LLGL2: variants seen among roughly 807,000 people sequenced by gnomAD.
The protein encoded by LLGL2 is LLGL scribble cell polarity complex component 2.
In LLGL2, 81 loss-of-function variants were observed where a neutral mutation model predicts 123.2. The observed-to-expected ratio is 0.66, with a 90% CI of 0.55 to 0.79. The LOEUF (loss-of-function observed/expected upper bound fraction) is 0.79. Ranked by LOEUF, LLGL2 falls within the 30% of genes least tolerant of loss-of-function variation. LLGL2 has a pLI of 0.00. For synonymous variants in LLGL2, 577 were observed against 594.1 expected (o/e 0.97, Z 0.42); for missense variants, 1,273 against 1,414.6 (o/e 0.90, Z 1.61).
intron 1 of LLGL2, among the ~76,000 whole-genome samples, chr17:75,528,587 A>G (rs931148123): frequency 1.3e-5 from 2 of 152,156 alleles, no homozygotes; most frequent in African/African-American, 4.8e-5. Flanking sequence ...AAACATATAA[A>G]ATCAGCTGGC....
intron 1 of LLGL2, among the ~76,000 whole-genome samples, chr17:75,530,080 A>G (rs1431912374): frequency 6.6e-6 from 1 of 152,178 alleles, no homozygotes; most frequent in Non-Finnish European, 1.5e-5. Context: ...CTCAACTTCC[A>G]TGAAGCATAA....
Position 75,571,942 on chromosome 17 carries a change from C to T in LLGL2, c.2338C>T (p.Leu780=), listed in dbSNP as rs1455458520. ...GCACCGGGCGCCGGTGGTGGGCATC[C>T]TGGTGCTCGACGGACACAGCGTACC... ...LMHRAPVVGI[L]VLDGHSVPLP... is the part of the protein sequence containing the mutation. The change falls in exon 19 of 26, where the codon CTG becomes TTG. Residue 780 remains leucine, a synonymous_variant. Transcript: ENST00000392550. 6.2e-6 allele frequency: 10 copies of T among 1,612,726 alleles called. No homozygotes were observed. The highest frequency in any genetic ancestry group is 7.6e-6 in the Non-Finnish European group (9 of 1,180,006).
In LLGL2 at chr17:75,549,857, CG is replaced by C. The variant is rs1448856856; in HGVS notation, c.76-6186del. Among the ~76,000 whole-genome samples the C allele has an allele frequency of 6.6e-5, 10 of 152,358 alleles. No homozygotes were observed. The highest frequency in any genetic ancestry group is 2.4e-4 in the African/African-American group (10 of 41,582). On this transcript the variant is annotated intron_variant, in intron 2 of 25. Transcript: ENST00000392550. This position sits in a 1 kb window ranked among gnomAD's most constrained non-coding sequence, Gnocchi z 4.0. ...AGCCTTTGCCCACTCGCTCCCCTTCCGGGACCTGGAAAGGAGTCCCAGAGCC... is the reference window on the plus strand; with the variant it reads ...AGCCTTTGCCCACTCGCTCCCCTTCCGGACCTGGAAAGGAGTCCCAGAGCC...
intron 2 of LLGL2, among the ~76,000 whole-genome samples, chr17:75,553,698 C>T (rs1308281682): frequency 6.6e-6 from 1 of 152,094 alleles, no homozygotes; most frequent in African/African-American, 2.4e-5. Flanking sequence ...GGTCACTATC[C>T]CCCGGGGTGG....
chr17:75,528,265 G>C (rs1349720467), intron 1 of LLGL2, among the ~76,000 whole-genome samples: 1 of 151,992 alleles, frequency 6.6e-6, no homozygotes, highest in Non-Finnish European at 1.5e-5. Flanking sequence ...ACAGGCGCCT[G>C]CCATCACGCC....
Position 75,558,265 on chromosome 17 carries a change from C to T in LLGL2, c.255+29C>T. 6.3e-7 allele frequency: 1 copy of T among 1,586,668 alleles called. No individual in the cohort carries two copies. The highest frequency in any genetic ancestry group is 8.6e-7 in the Non-Finnish European group (1 of 1,159,004). ...AGGGACCTGGGGTGGGACAGGAAGC[C>T]ACTTCCATGCCCTCCTTGCCTTCAC... On this transcript the variant is annotated intron_variant, in intron 4 of 25. Coordinates refer to ENST00000392550, the MANE Select transcript of LLGL2 (RefSeq NM_001031803.2). The surrounding 1 kb of genome is among the most constrained non-coding windows in gnomAD (Gnocchi z 4.0).
rs1420417306 is a variant in LLGL2 at position 75,569,327 on chromosome 17, TAGC to T, written c.1581+5_1581+7del. On this transcript the variant is annotated splice_donor_5th_base_variant and intron_variant, in intron 14 of 25. Coordinates refer to ENST00000392550, the MANE Select transcript of LLGL2 (RefSeq NM_001031803.2). ...GCTGTGGCAGGCACGGCAGGGCAGG[TAGC>T]AGGCTGGGCTGGGGAGGGGGAGCTG... The T allele has an allele frequency of 2.5e-6, 4 of 1,610,590 alleles. No homozygotes were observed. The highest frequency in any genetic ancestry group is 2.7e-5 in the African/African-American group (2 of 74,824).
chr17:75,539,169 C>T (rs2054116045), intron 1 of LLGL2, among the ~76,000 whole-genome samples: 1 of 152,138 alleles, frequency 6.6e-6, no homozygotes, highest in Non-Finnish European at 1.5e-5. Context: ...GCAATCCTTC[C>T]ACCTTAGCCT....
intron 1 of LLGL2, among the ~76,000 whole-genome samples, chr17:75,537,853 G>A (rs1006542446): frequency 5.7e-5 from 8 of 141,508 alleles, no homozygotes; most frequent in African/African-American, 2.2e-4. Flanking sequence ...CTGTTGCCCC[G>A]GCTGTATTAC....
chr17:75,565,279 G>A (rs961404390), intron 10 of LLGL2, among the ~76,000 whole-genome samples: 7 of 152,352 alleles, frequency 4.6e-5, no homozygotes, highest in Admixed American at 1.3e-4. Context: ...GGCTGATGTT[G>A]AAACCTGGAG....
intron 17 of LLGL2, 57 bp from the exon 18 acceptor site, chr17:75,571,610 C>T: frequency 9.6e-6 from 13 of 1,347,682 alleles, no homozygotes; most frequent in Non-Finnish European, 1.3e-5. Context: ...CCTGGTTGCC[C>T]AGCTCCACCC....
intron 8 of LLGL2, 85 bp downstream of exon 8, chr17:75,563,548 A>G (rs1671027): frequency 0.28 from 434,106 of 1,566,128 alleles, 62,297 homozygotes; most frequent in African/African-American, 0.4. Flanking sequence ...AGCAAACTCC[A>G]GGGCCAGAGA....
chr17:75,525,450 C>CGCGGCGCGCCGTTCTGCGTCCAGGT (rs2053521391), upstream of LLGL2, among the ~76,000 whole-genome samples: 1 of 151,888 alleles, frequency 6.6e-6, no homozygotes, highest in African/African-American at 2.4e-5. This position sits in a 1 kb window ranked among gnomAD's most constrained non-coding sequence, Gnocchi z 4.8. Flanking sequence ...GGACACTGGG[C>CGCGGCGCGCCGTTCTGCGTCCAGGT]GCGGCGCGCC....
intron 1 of LLGL2, among the ~76,000 whole-genome samples, chr17:75,536,388 G>A (rs887507676): frequency 3.9e-5 from 6 of 152,130 alleles, no homozygotes; most frequent in African/African-American, 9.7e-5. Context: ...TTAAAGCCTC[G>A]GGACGATGGA....
chr17:75,541,715 C>CTTTTTTTTTT (rs56656168), intron 1 of LLGL2, among the ~76,000 whole-genome samples: 1 of 31,544 alleles, frequency 3.2e-5, no homozygotes, highest in Non-Finnish European at 5.4e-5. Flanking sequence ...TGTGGCTCTG[C>CTTTTTTTTTT]TTTTTTTTTT....
chr17:75,562,942 C>T (rs2055284780), intron 6 of LLGL2, 74 bp from the exon 7 acceptor site: 42 of 1,566,736 alleles, frequency 2.7e-5, no homozygotes, highest in Non-Finnish European at 3.4e-5. Flanking sequence ...TAGGGAGCCC[C>T]ATGGCTGTGC....
Position 75,564,670 on chromosome 17 carries a change from C to T in LLGL2, c.1036+163C>T. On this transcript the variant is annotated intron_variant, in intron 10 of 25. Transcript: ENST00000392550. This position sits in a 1 kb window ranked among gnomAD's most constrained non-coding sequence, Gnocchi z 4.9. Reference sequence around the variant, plus strand: ...TTGAACCCAGGAGTTCAAGTCCAGCCTGGACAACGTAGGGAGACCCTTGTC... The same window carrying T: ...TTGAACCCAGGAGTTCAAGTCCAGCTTGGACAACGTAGGGAGACCCTTGTC... The T allele has an allele frequency of 8.2e-7, 1 of 1,213,468 alleles. No individual in the cohort carries two copies. The highest frequency in any genetic ancestry group is 1.1e-6 in the Non-Finnish European group (1 of 888,604). 75.2% of individuals were successfully genotyped at this position (1,213,468 alleles called of 1,614,324 possible). A position where few individuals can be genotyped will look rare whatever the true frequency, so the allele number is the denominator to read the frequency against.
intron 1 of LLGL2, among the ~76,000 whole-genome samples, chr17:75,527,528 A>G (rs375225897): frequency 1.3e-5 from 2 of 152,146 alleles, no homozygotes; most frequent in East Asian, 1.9e-4. Flanking sequence ...TTAAAATGAC[A>G]CTACATTCAT....
rs1280330611 is a variant in LLGL2, at chr17:75,554,745, C to T, written c.76-1301C>T. Among the ~76,000 whole-genome samples the T allele has an allele frequency of 6.6e-5, 10 of 151,592 alleles. No individual in the cohort carries two copies. The East Asian group carries it at 1.2e-3, about 18-fold the overall frequency. ...TCTACTAAAAATACAAAAAATTAGCCGGGCGTGGTGGCGGGCGCCTGTAGT... is the reference window on the plus strand; with the variant it reads ...TCTACTAAAAATACAAAAAATTAGCTGGGCGTGGTGGCGGGCGCCTGTAGT... On this transcript the variant is annotated intron_variant, in intron 2 of 25. Coordinates refer to ENST00000392550, the MANE Select transcript of LLGL2 (RefSeq NM_001031803.2).
Sources: allele counts gnomAD v4.1 joint callset (sites outside exome capture counted in the v4.1 genomes callset), GRCh38; gene constraint gnomAD v4.1.1; non-coding constraint Gnocchi (gnomAD v3.1); transcripts MANE v1.5; gene names NCBI Gene and HGNC (gene_info 2026-07-23, HGNC 2026-07-21).